CEP164: variants seen among roughly 807,000 people sequenced by gnomAD.
CEP164 encodes centrosomal protein 164.
CEP164 carries 162 observed loss-of-function variants against 182.7 expected under a neutral mutation model. The ratio of observed to expected loss-of-function variants is 0.89; its 90% confidence interval spans 0.78 to 1.01. CEP164 has a LOEUF of 1.01. Among genes scored for constraint, CEP164 ranks in the 50% least tolerant of loss-of-function variants. The pLI is 0.00. For synonymous variants in CEP164, 661 were observed against 690.0 expected, an observed-to-expected ratio of 0.96 and a Z score of 0.66; for missense variants, 1,735 against 1,790.4, an observed-to-expected ratio of 0.97 and a Z score of 0.56.
chr11:117,396,524 T>C, intron 25 of CEP164, 26 bp from the exon 26 acceptor site: 2 of 1,602,790 alleles, frequency 1.2e-6, no homozygotes, highest in East Asian at 2.2e-5. Context: ...CTACACTCAG[T>C]GGACTTTTCT....
intron 27 of CEP164, among the ~76,000 whole-genome samples, chr11:117,401,391 T>G (rs1000651471): frequency 6.6e-6 from 1 of 152,158 alleles, no homozygotes; most frequent in African/African-American, 2.4e-5. Flanking sequence ...CAGTATTTTA[T>G]TGAGAATTTT....
At chr11:117,363,727 T>G (rs1214648952) in intron 8 of CEP164, among the ~76,000 whole-genome samples, 1 of 151,572 alleles carries the variant, frequency 6.6e-6, no homozygotes, top group Non-Finnish European at 1.5e-5. Context: ...TCAACACTCA[T>G]TATGTTATTG....
intron 15 of CEP164, among the ~76,000 whole-genome samples, chr11:117,389,018 C>T (rs2044283747): frequency 6.6e-6 from 1 of 152,056 alleles, no homozygotes; most frequent in Non-Finnish European, 1.5e-5. Flanking sequence ...GATCCGCCTG[C>T]CTCGGCCTCC....
At chr11:117,370,975 T>C in intron 8 of CEP164, 105 bp from the exon 9 acceptor site, 1 of 1,230,620 alleles carries the variant, frequency 8.1e-7, no homozygotes, top group South Asian at 1.6e-5. Context: ...ACTCAGGCAC[T>C]GGCCTGTGGG....
At position 117,397,212 on chromosome 11, in the gene CEP164, G is replaced by T; in HGVS notation, c.3400G>T (p.Ala1134Ser). 6.2e-7 allele frequency: 1 copy of T among 1,614,238 alleles called. No individual in the cohort carries two copies. The highest frequency in any genetic ancestry group is 1.3e-5 in the African/African-American group (1 of 75,072). The change falls in exon 27 of 33, where the codon GCC becomes TCC. Residue 1134 changes from alanine (A) to serine (S), a missense_variant. Transcript: ENST00000278935. The stretch of plus-strand genomic sequence containing the variant: ...GAGGCGGCAGACAGCTCTGAAAGCT[G>T]CCCAGCAGCATTGGCGCCATGAGCT... ...MRRRQTALKA[A>S]QQHWRHELAS...
intron 1 of CEP164, among the ~76,000 whole-genome samples, chr11:117,334,264 A>G (rs960426846): frequency 6.6e-6 from 1 of 152,236 alleles, no homozygotes; most frequent in South Asian, 2.1e-4. Flanking sequence ...CCATCCTGCT[A>G]CTACATACAG....
chr11:117,394,609 G>A lies in CEP164; in HGVS notation c.2760+116G>A. The A allele has an allele frequency of 2.2e-6, 3 of 1,355,018 alleles. 1 individual carries two copies. The highest frequency in any genetic ancestry group is 2.9e-5 in the South Asian group (2 of 69,380). The allele number at this position is 1,355,018 out of a possible 1,614,324, so 83.9% of individuals were successfully genotyped here. On this transcript the variant is annotated intron_variant, in intron 21 of 32. Transcript: ENST00000278935. The surrounding 1 kb of genome is among the most constrained non-coding windows in gnomAD (Gnocchi z 4.0). ...CAGCCTGACAGCTTCTGGAGTGAGAGTCTCTCACTGGCCATCTCCAAGCTG... is the reference window on the plus strand; with the variant it reads ...CAGCCTGACAGCTTCTGGAGTGAGAATCTCTCACTGGCCATCTCCAAGCTG...
In CEP164 at chr11:117,375,794, G is replaced by A. The variant is rs886038607; in HGVS notation, c.1317+3G>A. ...TCCTGGGTGGAGCTTGTCGGCAGGT[G>A]AGTTTCTGTGGGTGGTGGGCTGAGC... is the stretch of plus-strand genomic sequence containing the variant. On this transcript the variant is annotated splice_donor_region_variant and intron_variant, in intron 11 of 32. Coordinates refer to ENST00000278935, the MANE Select transcript of CEP164 (RefSeq NM_014956.5). The A allele has an allele frequency of 6.2e-7, 1 of 1,613,960 alleles. No homozygotes were observed. Among genetic ancestry groups the A allele is most frequent in the East Asian group, 2.2e-5 (1 of 44,868 alleles).
intron 15 of CEP164, among the ~76,000 whole-genome samples, chr11:117,389,646 G>A (rs1405944326): frequency 6.6e-6 from 1 of 152,212 alleles, no homozygotes; most frequent in Non-Finnish European, 1.5e-5. Context: ...CTTGTAGGGA[G>A]TTGGAAAGAC....
intron 2 of CEP164, among the ~76,000 whole-genome samples, chr11:117,337,688 G>A (rs1389995540): frequency 6.6e-6 from 1 of 151,986 alleles, no homozygotes; most frequent in African/African-American, 2.4e-5. Context: ...TCGCCCCTGG[G>A]CAGCAGCCTC....
At chr11:117,405,104 G>A (rs2046527277) in intron 27 of CEP164, among the ~76,000 whole-genome samples, 2 of 152,148 alleles carry the variant, frequency 1.3e-5, no homozygotes, top group African/African-American at 4.8e-5. Context: ...TGTTGGGGTG[G>A]GATCTGGAAC....
At chr11:117,356,248 C>A in intron 5 of CEP164, 1 of 1,100,842 alleles carries the variant, frequency 9.1e-7, no homozygotes, top group Non-Finnish European at 1.1e-6. Flanking sequence ...AGAGGTTCTA[C>A]CAGCACATCC....
chr11:117,381,609 A>C (rs528728012), intron 12 of CEP164, 92 bp from the exon 13 acceptor site: 19 of 1,401,808 alleles, frequency 1.4e-5, no homozygotes, highest in Non-Finnish European at 1.6e-5. Context: ...AGGAGGAGGC[A>C]ATGACCTAGG....
rs916007458 is a variant in CEP164 at position 117,329,075 on chromosome 11, G to T, written c.-98+1171G>T. ...TTGTCCTCCTGTAATTAGTTCTTAT[G>T]CAGCTGTCAGAATCATTTATTTATT... On this transcript the variant is annotated intron_variant, in intron 1 of 32. Transcript: ENST00000278935. Among the ~76,000 whole-genome samples, 7 of 152,150 alleles carry T rather than the reference G, an allele frequency of 4.6e-5. No individual in the cohort carries two copies. The East Asian group carries it at 1.3e-3, about 29-fold the overall frequency.
At chr11:117,363,378 G>A in intron 7 of CEP164, 51 bp from the exon 8 acceptor site, 2 of 1,391,104 alleles carry the variant, frequency 1.4e-6, no homozygotes, top group South Asian at 2.3e-5. Context: ...CCCTCACCCT[G>A]GGTTGACCAG....
At chr11:117,359,660 C>T in intron 5 of CEP164, 1 of 888,402 alleles carries the variant, frequency 1.1e-6, no homozygotes, top group Non-Finnish European at 1.3e-6. Flanking sequence ...ATTTTTGTGT[C>T]ATCTTAGACA....
intron 19 of CEP164, 49 bp from the exon 20 acceptor site, chr11:117,392,955 C>T (rs982956032): frequency 3.7e-6 from 6 of 1,607,762 alleles, no homozygotes; most frequent in Non-Finnish European, 5.1e-6. Flanking sequence ...GCCCTGAGTG[C>T]TGGTCCGCCT....
At chr11:117,333,511 A>C (rs1381314958) in intron 1 of CEP164, among the ~76,000 whole-genome samples, 1 of 152,140 alleles carries the variant, frequency 6.6e-6, no homozygotes, top group Non-Finnish European at 1.5e-5. Context: ...GTATCTGGAA[A>C]AACTATTTCC....
At chr11:117,342,837 T>G (rs2038318740) in intron 3 of CEP164, among the ~76,000 whole-genome samples, 1 of 152,104 alleles carries the variant, frequency 6.6e-6, no homozygotes, top group Non-Finnish European at 1.5e-5. Flanking sequence ...GCAAAAGAGC[T>G]TTTTGAAATT....
Sources: gnomAD v4.1 joint callset for allele counts (sites outside exome capture counted in the v4.1 genomes callset) on GRCh38, gnomAD v4.1.1 for gene constraint, Gnocchi (gnomAD v3.1) non-coding constraint, MANE v1.5 for transcripts, NCBI Gene and HGNC (gene_info 2026-07-23, HGNC 2026-07-21) for gene names.